Variants in SNX24 observed in about 807,000 individuals in gnomAD.
The protein encoded by SNX24 is sorting nexin-24.
In SNX24, 22 loss-of-function variants were observed where a neutral mutation model predicts 28.7. The ratio of observed to expected loss-of-function variants is 0.77; its 90% CI spans 0.55 to 1.10. SNX24 has a LOEUF of 1.10. Among genes scored for constraint, SNX24 ranks in the 50% least tolerant of loss-of-function variants. SNX24 has a pLI of 0.00. For synonymous variants in SNX24, 69 were observed against 71.5 expected (o/e 0.96, Z 0.18); for missense variants, 221 against 201.1 (o/e 1.10, Z -0.60).
At chr5:122,968,745 C>A (rs1288933994) in intron 3 of SNX24, among the ~76,000 whole-genome samples, 1 of 152,140 alleles carries the variant, frequency 6.6e-6, no homozygotes, top group Non-Finnish European at 1.5e-5. Context: ...ACAGTACTCA[C>A]AAATTAAAAT....
intron 3 of SNX24, chr5:122,965,501 A>G (rs559654639): frequency 7.9e-5 from 36 of 454,816 alleles, no homozygotes; most frequent in South Asian, 4.4e-4. Flanking sequence ...GCTTATTTGG[A>G]GAAAAGATAA....
At chr5:123,028,871 A>G (rs780240542) in intron 5 of SNX24, 1 of 1,594,432 alleles carries the variant, frequency 6.3e-7, no homozygotes, top group South Asian at 1.1e-5. Flanking sequence ...TATCCTTTCT[A>G]AAGAGATTAC....
intron 1 of SNX24, among the ~76,000 whole-genome samples, chr5:122,863,454 A>C (rs1254973707): frequency 6.6e-6 from 1 of 151,228 alleles, no homozygotes; most frequent in African/African-American, 2.4e-5. Context: ...AAATAATGGG[A>C]GATGGAATGG....
chr5:123,002,103 C>T (rs955222712), intron 6 of SNX24, 99 bp downstream of exon 6: 5 of 939,880 alleles, frequency 5.3e-6, no homozygotes, highest in Admixed American at 3.4e-5. Flanking sequence ...GACATTGGTC[C>T]CGGGCTTAAT....
intron 1 of SNX24, among the ~76,000 whole-genome samples, chr5:122,922,364 T>G (rs922661092): frequency 3.3e-5 from 5 of 152,152 alleles, no homozygotes; most frequent in African/African-American, 1.2e-4. Context: ...GCAATTCTCC[T>G]GCCTCAGCCT....
intron 3 of SNX24, among the ~76,000 whole-genome samples, chr5:122,960,904 A>G (rs30061): frequency 0.025 from 3,784 of 152,328 alleles, 75 homozygotes; most frequent in South Asian, 0.071. Flanking sequence ...TCTAATTACT[A>G]TCTTAGAATT....
intron 3 of SNX24, among the ~76,000 whole-genome samples, chr5:122,994,056 G>C (rs1464879174): frequency 6.6e-6 from 1 of 151,942 alleles, no homozygotes; most frequent in East Asian, 1.9e-4. Context: ...GTGTGTGTAT[G>C]TGTGTGTGTG....
At chr5:122,861,131 G>C (rs927263629) in intron 1 of SNX24, among the ~76,000 whole-genome samples, 2 of 151,972 alleles carry the variant, frequency 1.3e-5, no homozygotes, top group African/African-American at 4.8e-5. Flanking sequence ...CTTGAGGTCA[G>C]GAGTTTGAGA....
At chr5:122,875,257 A>G (rs1382905939) in intron 1 of SNX24, among the ~76,000 whole-genome samples, 2 of 152,232 alleles carry the variant, frequency 1.3e-5, no homozygotes, top group Non-Finnish European at 2.9e-5. Flanking sequence ...CACTGTATTA[A>G]AACTGATTAA....
At chr5:122,863,229 G>A (rs1472437746) in intron 1 of SNX24, among the ~76,000 whole-genome samples, 1 of 152,086 alleles carries the variant, frequency 6.6e-6, no homozygotes, top group Non-Finnish European at 1.5e-5. Flanking sequence ...CCCTGGGAAG[G>A]CAACATTGGA....
chr5:122,903,487 A>G (rs1207538961), intron 1 of SNX24, among the ~76,000 whole-genome samples: 1 of 152,146 alleles, frequency 6.6e-6, no homozygotes, highest in African/African-American at 2.4e-5. Flanking sequence ...TGGCCAGTGA[A>G]CAGGTCTTTC....
intron 1 of SNX24, among the ~76,000 whole-genome samples, chr5:122,935,609 G>A (rs998311919): frequency 1.3e-5 from 2 of 152,136 alleles, no homozygotes; most frequent in Non-Finnish European, 1.5e-5. Context: ...GCACAAAAAT[G>A]CAAACAGATT....
intron 1 of SNX24, among the ~76,000 whole-genome samples, chr5:122,863,775 A>T (rs921745139): frequency 7.2e-5 from 11 of 152,276 alleles, no homozygotes; most frequent in African/African-American, 2.6e-4. Flanking sequence ...GGCTGGTCTC[A>T]AAGCCCTAGG....
At chr5:122,889,838 A>C (rs1271123439) in intron 1 of SNX24, among the ~76,000 whole-genome samples, 1 of 151,310 alleles carries the variant, frequency 6.6e-6, no homozygotes, top group Non-Finnish European at 1.5e-5. Flanking sequence ...TTGTCAAATC[A>C]GGAAGTTTAA....
At chr5:123,020,774 G>A (rs868205083) in intron 5 of SNX24, among the ~76,000 whole-genome samples, 26 of 150,986 alleles carry the variant, frequency 1.7e-4, no homozygotes, top group Admixed American at 1.3e-3. Flanking sequence ...GTTTGTTTTC[G>A]GAACCTTTCT....
At chr5:122,924,293 C>T (rs1758575236) in intron 1 of SNX24, among the ~76,000 whole-genome samples, 1 of 152,200 alleles carries the variant, frequency 6.6e-6, no homozygotes, top group Non-Finnish European at 1.5e-5. Context: ...CATCACTTCT[C>T]CTGTGACTTG....
At chr5:122,959,595 TGA>T (rs1049812099) in intron 3 of SNX24, among the ~76,000 whole-genome samples, 5 of 152,066 alleles carry the variant, frequency 3.3e-5, no homozygotes, top group African/African-American at 1.2e-4. Context: ...CTGAATTTAC[TGA>T]GAGAATTTTT....
chr5:122,987,490 A>G (rs1298487157), intron 3 of SNX24, among the ~76,000 whole-genome samples: 2 of 152,144 alleles, frequency 1.3e-5, no homozygotes, highest in East Asian at 3.9e-4. Context: ...TTAAAGTGAA[A>G]CCAGTCTTTT....
intron 4 of SNX24, among the ~76,000 whole-genome samples, chr5:123,000,891 A>G (rs1329103368): frequency 2.0e-5 from 3 of 152,280 alleles, no homozygotes; most frequent in South Asian, 2.1e-4. Context: ...AGCAGGCCAC[A>G]CCCAAAGTCA....
Sources: gnomAD v4.1 joint callset for allele counts (sites outside exome capture counted in the v4.1 genomes callset) on GRCh38, gnomAD v4.1.1 for gene constraint, MANE v1.5 for transcripts, NCBI Gene and HGNC (gene_info 2026-07-23, HGNC 2026-07-21) for gene names.